Variants in DCDC2C observed in about 807,000 individuals in gnomAD.
The protein encoded by DCDC2C is doublecortin domain-containing protein 2C.
DCDC2C carries 44 observed loss-of-function variants against 45.0 expected under a neutral mutation model. The ratio of observed to expected loss-of-function variants is 0.98; its 90% CI spans 0.77 to 1.26. DCDC2C has a LOEUF of 1.26. Ranked by LOEUF, DCDC2C falls within the 50% of genes most tolerant of loss-of-function variation. The pLI, the probability that DCDC2C is intolerant of heterozygous loss-of-function variation, is 0.00. For synonymous variants in DCDC2C, 187 were observed against 178.8 expected (o/e 1.05, Z -0.37); for missense variants, 447 against 468.9 (o/e 0.95, Z 0.43).
At chr2:3,758,406 G>A (rs1157051048) in intron 6 of DCDC2C, among the ~76,000 whole-genome samples, 2 of 152,212 alleles carry the variant, frequency 1.3e-5, no homozygotes, top group Non-Finnish European at 2.9e-5. Context: ...TAACTGCTGT[G>A]TAAAATATCC....
intron 10 of DCDC2C, among the ~76,000 whole-genome samples, chr2:3,805,798 G>A (rs1671222348): frequency 6.6e-6 from 1 of 152,224 alleles, no homozygotes; most frequent in African/African-American, 2.4e-5. Flanking sequence ...TGCTTCACTT[G>A]TCTCATTTTT....
intron 10 of DCDC2C, chr2:3,788,591 C>T (rs1670717063): frequency 6.6e-6 from 1 of 151,948 alleles, no homozygotes. Flanking sequence ...AAAAAAGTAC[C>T]TAACATAAGA....
At chr2:3,755,541 G>A (rs1179983660) in intron 6 of DCDC2C, among the ~76,000 whole-genome samples, 2 of 152,058 alleles carry the variant, frequency 1.3e-5, no homozygotes, top group Non-Finnish European at 2.9e-5. Context: ...GTATGAATGT[G>A]TAGGGATGTA....
Position 3,703,635 on chromosome 2 carries a change from A to C in DCDC2C, c.-117A>C. 1 of 1,001,728 alleles carries C rather than the reference A, an allele frequency of 1.0e-6. No homozygotes were observed. Among genetic ancestry groups the C allele is most frequent in the Non-Finnish European group, 1.3e-6 (1 of 787,684 alleles). 62.1% of individuals were successfully genotyped at this position (1,001,728 alleles called of 1,614,324 possible). A position where few individuals can be genotyped will look rare whatever the true frequency, so the allele number is the denominator to read the frequency against. On this transcript the variant is annotated 5_prime_UTR_variant, in exon 1 of 11. Coordinates refer to ENST00000399143, the MANE Select transcript of DCDC2C (RefSeq NM_001287444.2). The surrounding 1 kb of genome is among the most constrained non-coding windows in gnomAD (Gnocchi z 4.4). Reference sequence around the variant, plus strand: ...CCCCGTCCCGTCCCCGTCCTGCGCCAGCGGCTGGAGCGGACCTCCCGTCGG... The same window carrying C: ...CCCCGTCCCGTCCCCGTCCTGCGCCCGCGGCTGGAGCGGACCTCCCGTCGG...
intron 10 of DCDC2C, among the ~76,000 whole-genome samples, chr2:3,800,949 G>C (rs897384924): frequency 2.0e-5 from 3 of 152,150 alleles, no homozygotes; most frequent in Non-Finnish European, 2.9e-5. Flanking sequence ...TTAGTACTAT[G>C]ATGAGCATAG....
intron 3 of DCDC2C, among the ~76,000 whole-genome samples, chr2:3,731,987 A>T (rs926400956): frequency 1.9e-4 from 29 of 152,062 alleles, no homozygotes; most frequent in African/African-American, 7.0e-4. Flanking sequence ...TGAGTACGGT[A>T]GGGGGCGGTG....
intron 1 of DCDC2C, among the ~76,000 whole-genome samples, chr2:3,706,203 G>A (rs1668060852): frequency 6.6e-6 from 1 of 152,176 alleles, no homozygotes. Context: ...TTCTAATTGT[G>A]TCACCAGCAA....
chr2:3,813,803 G>T (rs1467109988), intron 10 of DCDC2C, among the ~76,000 whole-genome samples: 2 of 138,850 alleles, frequency 1.4e-5, no homozygotes, highest in Non-Finnish European at 3.0e-5. Flanking sequence ...GAGCCTATGT[G>T]TGTCTTTGCA....
chr2:3,821,424 C>T (rs556831810), intron 10 of DCDC2C, among the ~76,000 whole-genome samples: 8 of 152,194 alleles, frequency 5.3e-5, no homozygotes, highest in African/African-American at 1.2e-4. Context: ...CTGTGAGATG[C>T]TGAGTAGGAG....
intron 8 of DCDC2C, among the ~76,000 whole-genome samples, chr2:3,777,155 C>T (rs775531272): frequency 5.9e-5 from 9 of 152,230 alleles, no homozygotes; most frequent in South Asian, 2.1e-4. Context: ...CTGCTCCATG[C>T]ACCAGGCCTG....
rs1453878442 is a variant in DCDC2C, at chr2:3,825,929, G to GT, written c.1066-21224dup. Among the ~76,000 whole-genome samples the GT allele has an allele frequency of 2.0e-5, 3 of 152,294 alleles. No homozygotes were observed. In the East Asian group the frequency reaches 5.8e-4, roughly 29 times the overall value. ...GATCCAGCAGTAGCTGAGCCTTCGT[G>GT]TCCTGAGGACTCTTGTTTATTGTTC... On this transcript the variant is annotated intron_variant, in intron 10 of 10. Transcript: ENST00000399143.
At chr2:3,786,341 C>CGTGTGTCCCGCCTGTGCACGGAGCCTCT (rs1670651562) in intron 10 of DCDC2C, among the ~76,000 whole-genome samples, 1 of 134,148 alleles carries the variant, frequency 7.5e-6, no homozygotes. Context: ...ACGGAGCCTC[C>CGTGTGTCCCGCCTGTGCACGGAGCCTCT]GGTGTGCGTG....
chr2:3,713,726 C>T (rs1668279913), intron 2 of DCDC2C, among the ~76,000 whole-genome samples: 1 of 152,192 alleles, frequency 6.6e-6, no homozygotes, highest in Non-Finnish European at 1.5e-5. Flanking sequence ...CATGTTATGT[C>T]ATCCCAGGAT....
intron 8 of DCDC2C, among the ~76,000 whole-genome samples, chr2:3,770,717 T>A (rs1274718067): frequency 2.0e-5 from 3 of 152,260 alleles, no homozygotes; most frequent in African/African-American, 7.2e-5. Context: ...AGACTGTGTG[T>A]CCAACACAAC....
At chr2:3,747,588 G>A (rs1382775838) in intron 4 of DCDC2C, among the ~76,000 whole-genome samples, 2 of 152,244 alleles carry the variant, frequency 1.3e-5, no homozygotes, top group African/African-American at 2.4e-5. Flanking sequence ...TAGCCCAATC[G>A]CAGCATAGGT....
chr2:3,832,016 A>AG (rs749283733), intron 10 of DCDC2C, among the ~76,000 whole-genome samples: 3 of 152,082 alleles, frequency 2.0e-5, no homozygotes, highest in African/African-American at 7.2e-5. Context: ...TGGCATGGCG[A>AG]GGGGCTCTTT....
At chr2:3,769,016 C>A (rs1670088578) in intron 7 of DCDC2C, 1 of 310,664 alleles carries the variant, frequency 3.2e-6, no homozygotes, top group Non-Finnish European at 6.2e-6. Context: ...GGACTGACTA[C>A]CATGGTGGGC....
chr2:3,708,377 T>A (rs1260348221), intron 1 of DCDC2C, among the ~76,000 whole-genome samples, 172 bp from the exon 2 acceptor site: 2 of 152,280 alleles, frequency 1.3e-5, no homozygotes, highest in South Asian at 2.1e-4. Flanking sequence ...ACAGCAGCAT[T>A]GCTATTGTAT....
chr2:3,726,915 T>A lies in DCDC2C; in HGVS notation c.340-88T>A, dbSNP rs150733327. 253 of 1,217,444 alleles carry A rather than the reference T, an allele frequency of 2.1e-4. 1 individual carries two copies. In the East Asian group the frequency reaches 5.3e-3, roughly 25 times the overall value. 75.4% of individuals were successfully genotyped at this position (1,217,444 alleles called of 1,614,324 possible). On this transcript the variant is annotated intron_variant, in intron 2 of 10. Transcript: ENST00000399143. ...AAAGGGGTTCCCCCCCTTTCTTATG[T>A]TTTAGGGCAGTGCTGTGCACACTGT...
Sources: gnomAD v4.1 joint callset for allele counts (sites outside exome capture counted in the v4.1 genomes callset) on GRCh38, gnomAD v4.1.1 for gene constraint, Gnocchi (gnomAD v3.1) non-coding constraint, MANE v1.5 for transcripts, NCBI Gene and HGNC (gene_info 2026-07-23, HGNC 2026-07-21) for gene names.